Variants in EPB42 observed in about 807,000 individuals in gnomAD.
EPB42 encodes the protein erythrocyte membrane protein band 4.2.
EPB42 carries 49 observed loss-of-function variants against 76.9 expected under a neutral mutation model. That is an observed-to-expected ratio of 0.64 (90% CI 0.51 to 0.81). The LOEUF (loss-of-function observed/expected upper bound fraction) is 0.81. Ranked by LOEUF, EPB42 falls within the 30% of genes least tolerant of loss-of-function variation. EPB42 has a pLI of 0.00. For missense variants in EPB42, 731 were observed against 867.6 expected (o/e 0.84, Z 1.98); for synonymous variants, 310 against 338.4 (o/e 0.92, Z 0.92).
At chr15:43,221,845 A>AT (rs1555380828), upstream of EPB42, among the ~76,000 whole-genome samples, 5 of 149,792 alleles carry the variant, frequency 3.3e-5, no homozygotes, top group African/African-American at 1.2e-4. Flanking sequence ...AAAAAAAAAA[A>AT]TGAAACTTCT....
intron 5 of EPB42, chr15:43,209,758 T>A: frequency 2.6e-6 from 1 of 381,676 alleles, no homozygotes; most frequent in Non-Finnish European, 4.7e-6. Context: ...CCACCCTGAC[T>A]CGTTTGAGGT....
upstream of EPB42, among the ~76,000 whole-genome samples, chr15:43,225,570 C>G (rs78057833): frequency 7.9e-5 from 12 of 152,250 alleles, no homozygotes; most frequent in African/African-American, 2.6e-4. Flanking sequence ...TGTTAGGAAC[C>G]GCGTTAGATA....
rs2042215397 is a variant in EPB42 at position 43,207,086 on chromosome 15, T to C, written c.1318+113A>G. 21 of 1,510,820 alleles carry C rather than the reference T, an allele frequency of 1.4e-5. No homozygotes were observed. In the South Asian group the frequency reaches 2.3e-4, roughly 17 times the overall value. 93.6% of individuals were successfully genotyped at this position (1,510,820 alleles called of 1,614,324 possible). The stretch of plus-strand genomic sequence containing the variant: ...CAAATGGGGTTGAGAAACCCTGTTT[T>C]ATATGATGCGGAAAGGACAAGTCTC... On this transcript the variant is annotated intron_variant, in intron 9 of 12. Coordinates refer to ENST00000441366, the MANE Select transcript of EPB42 (RefSeq NM_001114134.2).
intron 3 of EPB42, among the ~76,000 whole-genome samples, chr15:43,212,865 G>T (rs1471029678): frequency 6.6e-6 from 1 of 152,174 alleles, no homozygotes; most frequent in South Asian, 2.1e-4. Flanking sequence ...GTGGACAGGG[G>T]TTAGACTAGT....
upstream of EPB42, among the ~76,000 whole-genome samples, chr15:43,223,928 A>G (rs896948788): frequency 6.6e-6 from 1 of 152,212 alleles, no homozygotes; most frequent in Non-Finnish European, 1.5e-5. Context: ...AGCCAAGATC[A>G]TGCCACTGTA....
At chr15:43,208,084 T>C in intron 8 of EPB42, 146 bp downstream of exon 8, 1 of 723,566 alleles carries the variant, frequency 1.4e-6, no homozygotes, top group Non-Finnish European at 2.4e-6. Context: ...TCAGGTCAGC[T>C]TTCTGCTGGC....
rs760402077 is a variant in EPB42, at chr15:43,207,227, G to A, written c.1290C>T (p.Asp430=). 5 of 1,614,172 alleles carry A rather than the reference G, an allele frequency of 3.1e-6. No individual in the cohort carries two copies. The East Asian group carries it at 1.1e-4, about 36-fold the overall frequency. The change falls in exon 9 of 13, where the codon GAC becomes GAT. Residue 430 remains aspartate (D), a synonymous_variant. Coordinates refer to ENST00000441366, the MANE Select transcript of EPB42 (RefSeq NM_001114134.2). The stretch of plus-strand genomic sequence containing the variant: ...CAGGATACTTGTAGTTCTGAGTGAT[G>A]TCCTCGCAGCGGTCACTGCCCACAC... ...TKGVGSDRCE[D]ITQNYKYPEG...
rs34228171 is a variant in EPB42 at position 43,204,964 on chromosome 15, G to GCCC, written c.1618+1363_1618+1365dup. 3.5e-4 allele frequency among the ~76,000 whole-genome samples: 42 copies of GCCC among 120,918 alleles called. 1 individual carries two copies. Among genetic ancestry groups the GCCC allele is most frequent in the African/African-American group, 1.2e-3 (35 of 29,340 alleles). 79.3% of individuals were successfully genotyped at this position (120,918 alleles called of 152,430 possible). On this transcript the variant is annotated intron_variant, in intron 10 of 12. Transcript: ENST00000441366. The stretch of plus-strand genomic sequence containing the variant: ...TCTGGCTCAGAAGGCTGCCCCCTCC[G>GCCC]CCCCCCCCCCAAAAAAAAGTTCCCA...
chr15:43,223,706 G>A (rs1288570377), upstream of EPB42, among the ~76,000 whole-genome samples: 6 of 151,912 alleles, frequency 3.9e-5, no homozygotes, highest in Admixed American at 6.6e-5. Flanking sequence ...TCGGCTGGGC[G>A]CGGTGGCTCA....
intron 1 of EPB42, among the ~76,000 whole-genome samples, chr15:43,219,024 T>A (rs2042419287): frequency 6.6e-6 from 1 of 152,210 alleles, no homozygotes; most frequent in Admixed American, 6.5e-5. Context: ...CTGCCTCAGA[T>A]GTGCCCCTCA....
intron 5 of EPB42, 35 bp from the exon 6 acceptor site, chr15:43,209,486 C>T (rs772045907): frequency 6.3e-7 from 1 of 1,592,250 alleles, no homozygotes; most frequent in South Asian, 1.1e-5. Context: ...CAGTATGAGT[C>T]CCTTGGGCAG....
chr15:43,209,524 G>A, intron 5 of EPB42, 73 bp from the exon 6 acceptor site: 1 of 1,496,836 alleles, frequency 6.7e-7, no homozygotes, highest in Non-Finnish European at 9.1e-7. Flanking sequence ...GGGTAAGGAG[G>A]GCTCATCACA....
rs1038790112 is a variant in EPB42, at chr15:43,214,977, C to G, written c.430+118G>C. The G allele has an allele frequency of 3.5e-6, 3 of 863,668 alleles. No homozygotes were observed. The African/African-American group carries it at 5.0e-5, about 14-fold the overall frequency. The allele number at this position is 863,668 out of a possible 1,614,324, so 53.5% of individuals were successfully genotyped here. A position where few individuals can be genotyped will look rare whatever the true frequency, so the allele number is the denominator to read the frequency against. ...CCCTGGCACAGACTGGGTGTTGGTG[C>G]TGTCCTTAGAGAGGGCTGCCACAGG... On this transcript the variant is annotated intron_variant, in intron 3 of 12. Coordinates refer to ENST00000441366, the MANE Select transcript of EPB42 (RefSeq NM_001114134.2).
At chr15:43,221,100 C>A, upstream of EPB42, 1 of 475,324 alleles carries the variant, frequency 2.1e-6, no homozygotes, top group African/African-American at 2.0e-5. Flanking sequence ...GAGGCCCAGG[C>A]AGGAATACGC....
At chr15:43,208,848 TTCAGTGTCTCC>T (rs1165518622) in intron 6 of EPB42, 73 bp from the exon 7 acceptor site, 2 of 1,535,356 alleles carry the variant, frequency 1.3e-6, no homozygotes, top group East Asian at 4.7e-5. Flanking sequence ...GGCTAGGATT[TTCAGTGTCTCC>T]TCTGGGCACT....
intron 4 of EPB42, among the ~76,000 whole-genome samples, chr15:43,210,672 C>T (rs2042281298): frequency 6.6e-6 from 1 of 152,188 alleles, no homozygotes; most frequent in South Asian, 2.1e-4. Context: ...CTTTGCCTAT[C>T]TGTTGTCTGA....
chr15:43,220,840 C>T lies in EPB42; in HGVS notation c.-15G>A, dbSNP rs771880620. 12 of 1,609,280 alleles carry T rather than the reference C, an allele frequency of 7.5e-6. 1 individual carries two copies. The South Asian group carries it at 1.3e-4, about 18-fold the overall frequency. ...CCCTGTCCCATGGTTGCAGGCCGCT[C>T]CTCTTATCCACTTGGCCGCAGAAAG... is the stretch of plus-strand genomic sequence containing the variant. On this transcript the variant is annotated 5_prime_UTR_variant, in exon 1 of 13. Transcript: ENST00000441366.
intron 1 of EPB42, among the ~76,000 whole-genome samples, chr15:43,219,407 G>T (rs555322831): frequency 1.3e-5 from 2 of 152,000 alleles, no homozygotes; most frequent in African/African-American, 2.4e-5. Flanking sequence ...GGTTCACAAG[G>T]TTCCTCAAAA....
intron 12 of EPB42, 54 bp downstream of exon 12, chr15:43,201,790 C>A (rs2042129601): frequency 8.1e-6 from 13 of 1,612,962 alleles, no homozygotes; most frequent in Non-Finnish European, 1.0e-5. Flanking sequence ...TTGGGCCCTG[C>A]CTTTCTGACC....
Sources: allele counts gnomAD v4.1 joint callset (sites outside exome capture counted in the v4.1 genomes callset), GRCh38; gene constraint gnomAD v4.1.1; transcripts MANE v1.5; gene names NCBI Gene and HGNC (gene_info 2026-07-23, HGNC 2026-07-21).